Variants in SLC49A3 observed in about 807,000 individuals in gnomAD.
SLC49A3 encodes solute carrier family 49 member A3.
SLC49A3 carries 50 observed loss-of-function variants against 43.8 expected under a neutral mutation model. The observed-to-expected ratio is 1.14, with a 90% confidence interval of 0.91 to 1.45. The LOEUF is 1.45. SLC49A3 is among the 40% of genes most tolerant of loss of function. SLC49A3 has a pLI of 0.00. For synonymous variants in SLC49A3, 413 were observed against 352.0 expected, an observed-to-expected ratio of 1.17 and a Z score of -1.94; for missense variants, 906 against 774.1, an observed-to-expected ratio of 1.17 and a Z score of -2.02.
rs1183418659 is a variant in SLC49A3 at position 685,080 on chromosome 4, C to T, written c.586-224G>A. ...GTCAACGCATCCCTCACCAGTGACACCCTCCTGGCTGATGTTAGCCCAGCA... is the reference window on the plus strand; with the variant it reads ...GTCAACGCATCCCTCACCAGTGACATCCTCCTGGCTGATGTTAGCCCAGCA... On this transcript the variant is annotated intron_variant, in intron 4 of 9. Transcript: ENST00000322224. The surrounding 1 kb of genome is among the most constrained non-coding windows in gnomAD (Gnocchi z 4.3). 1 of 579,764 alleles carries T rather than the reference C, an allele frequency of 1.7e-6. No individual in the cohort carries two copies. Among genetic ancestry groups the T allele is most frequent in the Non-Finnish European group, 3.0e-6 (1 of 335,926 alleles). The allele number at this position is 579,764 out of a possible 1,614,324, so 35.9% of individuals were successfully genotyped here. A position where few individuals can be genotyped will look rare whatever the true frequency, so the allele number is the denominator to read the frequency against.
In SLC49A3 at chr4:683,211, C is replaced by T. The variant is rs1424738529; in HGVS notation, c.1150G>A (p.Gly384Arg). 6 of 1,612,658 alleles carry T rather than the reference C, an allele frequency of 3.7e-6. No individual in the cohort carries two copies. Among genetic ancestry groups the T allele is most frequent in the Non-Finnish European group, 5.1e-6 (6 of 1,179,936 alleles). Residue 384 changes from glycine to arginine, a missense_variant and splice_region_variant, in exon 8 of 10, where the codon GGG (glycine) becomes AGG (arginine). Coordinates refer to ENST00000322224, the MANE Select transcript of SLC49A3 (RefSeq NM_032219.4). ...CAGCAGGGGCAGATGGACACTCACC[C>T]CAGCACAAAGATCATGCCTGTGGCA... ...GAATGMIFVL[G>R]QAEGILIMLA...
At chr4:678,897 CA>C, downstream of SLC49A3, 3 of 1,608,430 alleles carry the variant, frequency 1.9e-6, no homozygotes, top group Non-Finnish European at 2.6e-6. Context: ...GAACCGGGAG[CA>C]GGGGGCGGGG....
chr4:686,505 C>A (rs753192306), intron 2 of SLC49A3, 27 bp downstream of exon 2: 1 of 1,606,874 alleles, frequency 6.2e-7, no homozygotes, highest in African/African-American at 1.3e-5. Context: ...TGTCCCGGAG[C>A]GGGCCATGGT....
intron 6 of SLC49A3, 21 bp downstream of exon 6, chr4:684,462 C>T: frequency 1.9e-6 from 3 of 1,611,780 alleles, no homozygotes; most frequent in South Asian, 2.2e-5. Context: ...GCAGGGTCCC[C>T]AGGGGTGGGG....
chr4:680,607 G>C (rs1047867039), downstream of SLC49A3: 1 of 1,610,076 alleles, frequency 6.2e-7, no homozygotes. Flanking sequence ...CGGGCGGCCA[G>C]GGCGGCCCGG....
chr4:691,386 G>A (rs1741878134), upstream of SLC49A3, among the ~76,000 whole-genome samples: 1 of 151,992 alleles, frequency 6.6e-6, no homozygotes, highest in Non-Finnish European at 1.5e-5. Context: ...CTGAGGTCGG[G>A]AGTTCAAGAC....
chr4:682,240 G>A lies in SLC49A3; in HGVS notation c.1398C>T (p.Asp466=), dbSNP rs767689638. 22 of 1,381,648 alleles carry A rather than the reference G, an allele frequency of 1.6e-5. No homozygotes were observed. The highest frequency in any genetic ancestry group is 2.0e-5 in the Non-Finnish European group (21 of 1,056,866). 85.6% of individuals were successfully genotyped at this position (1,381,648 alleles called of 1,614,324 possible). A position where few individuals can be genotyped will look rare whatever the true frequency, so the allele number is the denominator to read the frequency against. The change falls in exon 10 of 10, where the codon GAC becomes GAT. Residue 466 remains aspartate, a synonymous_variant. Coordinates refer to ENST00000322224, the MANE Select transcript of SLC49A3 (RefSeq NM_032219.4). ...CCCCTCGGTCCACACCCGGCCCTGA[G>A]TCTGCGCCGCCCACGGCGTTACGGG... The part of the protein sequence containing the change: ...PSTRNAVGGA[D]SGPGVDRGGA...
rs960364792 is a variant in SLC49A3, at chr4:682,594, C to T, written c.1261+187G>A. 5.3e-5 allele frequency among the ~76,000 whole-genome samples: 8 copies of T among 152,154 alleles called. No homozygotes were observed. In the East Asian group the frequency reaches 1.5e-3, roughly 29 times the overall value. ...GGGTCTGGGATATGGGTGTGCCAGC[C>T]CCATCTCTGATCTCGGCCACACCTG... On this transcript the variant is annotated intron_variant, in intron 9 of 9. Transcript: ENST00000322224.
In SLC49A3 at chr4:685,646, C is replaced by T. The variant is rs529261998; in HGVS notation, c.585+189G>A. On this transcript the variant is annotated intron_variant, in intron 4 of 9. Transcript: ENST00000322224. This position sits in a 1 kb window ranked among gnomAD's most constrained non-coding sequence, Gnocchi z 4.3. ...GCTTAAACCCAGTAGGCGGAGGTTG[C>T]AGTGAGCCGAGATCGCGCCACTGCA... Among the ~76,000 whole-genome samples, 130 of 152,180 alleles carry T rather than the reference C, an allele frequency of 8.5e-4. No individual in the cohort carries two copies. In the South Asian group the frequency reaches 0.011, roughly 13 times the overall value.
downstream of SLC49A3, among the ~76,000 whole-genome samples, chr4:681,573 G>A (rs1236876356): frequency 2.1e-5 from 3 of 143,440 alleles, no homozygotes; most frequent in East Asian, 2.1e-4. Flanking sequence ...CGACACGTGC[G>A]CCCAGACTGT....
At chr4:680,604 C>T (rs760006765), downstream of SLC49A3, 3 of 1,610,156 alleles carry the variant, frequency 1.9e-6, no homozygotes, top group East Asian at 2.2e-5. Context: ...GCCCGGGCGG[C>T]CAGGGCGGCC....
downstream of SLC49A3, chr4:678,160 G>A (rs1739041798): frequency 6.5e-7 from 1 of 1,544,528 alleles, no homozygotes; most frequent in Non-Finnish European, 8.7e-7. Context: ...CGTGTGCTCT[G>A]CCTGCATATG....
At position 682,834 on chromosome 4, in the gene SLC49A3, G is replaced by C; in HGVS notation, c.1208C>G (p.Ser403Trp). 6.2e-7 allele frequency: 1 copy of C among 1,605,430 alleles called. No homozygotes were observed. Among genetic ancestry groups the C allele is most frequent in the South Asian group, 1.1e-5 (1 of 90,130 alleles). ...CTGGCAGGTGGACAAGGACGGCTCC[G>C]AGCGTCGCACAGTCAGTGCCGTCAT... ...LAMTALTVRRSEPSLSTCQQG... is the reference protein window; with the variant it reads ...LAMTALTVRRWEPSLSTCQQG... Residue 403 changes from serine to tryptophan, a missense_variant, in exon 9 of 10, where the codon TCG (serine) becomes TGG (tryptophan). Physicochemically the swap from Ser to Trp is radical, Grantham distance 177. Coordinates refer to ENST00000322224, the MANE Select transcript of SLC49A3 (RefSeq NM_032219.4).
chr4:678,195 CGT>C (rs1281350294), downstream of SLC49A3: 5 of 1,522,848 alleles, frequency 3.3e-6, no homozygotes, highest in South Asian at 2.5e-5. Context: ...TGTGTATGTG[CGT>C]GTGTGTGACC....
At chr4:686,792 A>G in intron 1 of SLC49A3, 102 bp from the exon 2 acceptor site, 1 of 1,430,426 alleles carries the variant, frequency 7.0e-7, no homozygotes, top group Non-Finnish European at 9.4e-7. Flanking sequence ...CAGCCCCGTG[A>G]GGCCGAGGGG....
chr4:682,329 G>C lies in SLC49A3; in HGVS notation c.1309C>G (p.Leu437Val), dbSNP rs762135699. ...AGLCTFFSCI[L>V]AVFFHTPYRR... ...TATGGGGTGTGGAAGAAGACCGCCA[G>C]GATGCAGCTGAAGAAGGTGCACAGG... The change falls in exon 10 of 10, where the codon CTG becomes GTG. Residue 437 changes from leucine (L) to valine (V), a missense_variant. Leu to Val is a conservative substitution (Grantham distance 32, BLOSUM62 1). Transcript: ENST00000322224. The C allele has an allele frequency of 7.4e-7, 1 of 1,349,384 alleles. No individual in the cohort carries two copies. The highest frequency in any genetic ancestry group is 2.8e-5 in the East Asian group (1 of 35,892). The allele number at this position is 1,349,384 out of a possible 1,614,324, so 83.6% of individuals were successfully genotyped here. A position where few individuals can be genotyped will look rare whatever the true frequency, so the allele number is the denominator to read the frequency against.
chr4:689,498 G>A (rs529392389), upstream of SLC49A3: 28 of 169,018 alleles, frequency 1.7e-4, no homozygotes, highest in East Asian at 4.1e-3. Flanking sequence ...CTTCCTGAAG[G>A]GGGCTGTGGA....
intron 9 of SLC49A3, among the ~76,000 whole-genome samples, 164 bp from the exon 10 acceptor site, chr4:682,540 C>T (rs114374372): frequency 1.2e-3 from 189 of 152,312 alleles, no homozygotes; most frequent in Middle Eastern, 3.4e-3. Flanking sequence ...TGTTTGCAGA[C>T]CCAGGTCCTG....
At chr4:688,886 C>G (rs1331986265) in intron 1 of SLC49A3, 107 bp downstream of exon 1, 13 of 1,429,008 alleles carry the variant, frequency 9.1e-6, no homozygotes, top group Middle Eastern at 3.9e-4. Flanking sequence ...CACCCCCCGC[C>G]CCCAGCCAGC....
Sources: gnomAD v4.1 joint callset for allele counts (sites outside exome capture counted in the v4.1 genomes callset) on GRCh38, gnomAD v4.1.1 for gene constraint, Gnocchi (gnomAD v3.1) non-coding constraint, MANE v1.5 for transcripts, NCBI Gene and HGNC (gene_info 2026-07-23, HGNC 2026-07-21) for gene names.